FAHD2B: variants seen among roughly 807,000 people sequenced by gnomAD.
FAHD2B encodes oxaloacetate tautomerase FAHD2B, mitochondrial.
A neutral mutation model predicts 33.7 loss-of-function variants in FAHD2B; 26 were observed. The ratio of observed to expected loss-of-function variants is 0.77; its 90% confidence interval spans 0.57 to 1.07. The LOEUF (loss-of-function observed/expected upper bound fraction) is 1.07. Among genes scored for constraint, FAHD2B ranks in the 50% least tolerant of loss-of-function variants. The pLI, the probability that FAHD2B is intolerant of heterozygous loss-of-function variation, is 0.00. For synonymous variants in FAHD2B, 108 were observed against 150.9 expected (o/e 0.72, Z 2.08); for missense variants, 272 against 388.1 (o/e 0.70, Z 2.51).
At chr2:97,081,697 G>C (rs2443823), downstream of FAHD2B, among the ~76,000 whole-genome samples, 1 of 148,668 alleles carries the variant, frequency 6.7e-6, no homozygotes, top group Non-Finnish European at 1.5e-5. Context: ...CTTGGGATAT[G>C]GCCACCTATG....
chr2:97,086,751 C>T, intron 4 of FAHD2B: 1 of 154,476 alleles, frequency 6.5e-6, no homozygotes, highest in Non-Finnish European at 1.4e-5. Flanking sequence ...GTGGCTCTTT[C>T]TAATAATAAC....
At chr2:97,079,640 TTC>T (rs369518904), downstream of FAHD2B, among the ~76,000 whole-genome samples, 7 of 151,690 alleles carry the variant, frequency 4.6e-5, no homozygotes, top group African/African-American at 1.2e-4. Flanking sequence ...TTGTTTAAAT[TTC>T]TTTTTTATTT....
intron 8 of FAHD2B, 42 bp downstream of exon 8, chr2:97,083,906 G>A (rs1304173593): frequency 1.2e-6 from 2 of 1,613,978 alleles, no homozygotes; most frequent in Non-Finnish European, 1.7e-6. Flanking sequence ...AAGCCTGCCA[G>A]GCCTTTGGGG....
chr2:97,081,133 G>A (rs2031629543), downstream of FAHD2B: 12 of 1,489,992 alleles, frequency 8.1e-6, no homozygotes, highest in Non-Finnish European at 6.3e-6. Flanking sequence ...GGCAGGCAGA[G>A]TGCCGCCCCA....
At chr2:97,082,549 A>G, downstream of FAHD2B, 1 of 1,594,704 alleles carries the variant, frequency 6.3e-7, no homozygotes. Context: ...GTGACAACCC[A>G]AGTCTAGGAA....
At position 97,085,819 on chromosome 2, in the gene FAHD2B, G is replaced by A. The variant is rs1300257156; in HGVS notation, c.565C>T (p.His189Tyr). 7.4e-6 allele frequency: 12 copies of A among 1,613,856 alleles called. No homozygotes were observed. The highest frequency in any genetic ancestry group is 1.0e-5 in the Non-Finnish European group (12 of 1,179,860). Residue 189 changes from histidine to tyrosine, a missense_variant, in exon 6 of 9, where the codon CAT becomes TAT. His to Tyr is a moderately conservative substitution (Grantham distance 83, BLOSUM62 2). Transcript: ENST00000414820. ...AGCCAGTCACGAGCACTCACGTCAT[G>A]AGCCACAGTGAAGCCGGCCACGTGG... ...MAHVAGFTVA[H>Y]DVSARDWLTR...
chr2:97,082,510 T>G, downstream of FAHD2B: 2 of 1,607,894 alleles, frequency 1.2e-6, no homozygotes, highest in Non-Finnish European at 1.7e-6. Context: ...CAGTGGTGTT[T>G]GCTGGTGGCT....
intron 6 of FAHD2B, among the ~76,000 whole-genome samples, chr2:97,084,657 T>C (rs989844514): frequency 6.6e-6 from 1 of 152,078 alleles, no homozygotes; most frequent in African/African-American, 2.4e-5. Context: ...CCTGTAATCA[T>C]AGCACTTTGG....
downstream of FAHD2B, chr2:97,082,573 G>A: frequency 6.3e-7 from 1 of 1,580,634 alleles, no homozygotes; most frequent in South Asian, 1.1e-5. Context: ...GGGCTGCAGA[G>A]TACAGACAGT....
chr2:97,083,929 T>C lies in FAHD2B; in HGVS notation c.882+19A>G. 1.2e-6 allele frequency: 2 copies of C among 1,613,910 alleles called. No individual in the cohort carries two copies. Among genetic ancestry groups the C allele is most frequent in the Non-Finnish European group, 1.7e-6 (2 of 1,179,978 alleles). On this transcript the variant is annotated intron_variant, in intron 8 of 8. Coordinates refer to ENST00000414820, the MANE Select transcript of FAHD2B (RefSeq NM_001320848.2). The stretch of plus-strand genomic sequence containing the variant: ...CAGGCCTTTGGGGCCCTTGCTCTCT[T>C]TGCTTTTCGCTAACCTACCTTGAGA...
At chr2:97,087,978 A>C (rs1435452120) in intron 4 of FAHD2B, among the ~76,000 whole-genome samples, 1 of 151,450 alleles carries the variant, frequency 6.6e-6, no homozygotes, top group Non-Finnish European at 1.5e-5. Context: ...AGATCTCTTG[A>C]TAAAAATGCT....
intron 6 of FAHD2B, 38 bp from the exon 7 acceptor site, chr2:97,084,315 T>C: frequency 1.2e-5 from 19 of 1,609,956 alleles, no homozygotes; most frequent in East Asian, 2.2e-5. Flanking sequence ...TTATCCCTTT[T>C]CCCCCTCAAA....
At chr2:97,083,433 A>C (rs2031734008), downstream of FAHD2B, 1 of 1,399,104 alleles carries the variant, frequency 7.1e-7, no homozygotes, top group African/African-American at 1.5e-5. Context: ...GTGATAAACA[A>C]GGGGACGAGA....
chr2:97,093,818 A>G (rs1559142067), intron 1 of FAHD2B, among the ~76,000 whole-genome samples: 1 of 152,028 alleles, frequency 6.6e-6, no homozygotes, highest in Non-Finnish European at 1.5e-5. Flanking sequence ...TGTTAGTCCC[A>G]TTTTACAGAT....
downstream of FAHD2B, chr2:97,082,298 G>A: frequency 6.3e-7 from 1 of 1,585,294 alleles, no homozygotes; most frequent in Non-Finnish European, 8.6e-7. Flanking sequence ...CCTCCGCCAG[G>A]GCCAGCTGCC....
chr2:97,080,632 A>G (rs1455077332), downstream of FAHD2B, among the ~76,000 whole-genome samples: 1 of 152,012 alleles, frequency 6.6e-6, no homozygotes, highest in Non-Finnish European at 1.5e-5. Context: ...AAGAACTTCC[A>G]TGGTAGTTTA....
At chr2:97,081,186 T>C (rs2031631846), downstream of FAHD2B, 1 of 1,489,494 alleles carries the variant, frequency 6.7e-7, no homozygotes, top group Non-Finnish European at 9.0e-7. Flanking sequence ...TGAGCCAGAA[T>C]GAGCTGTACC....
chr2:97,083,464 C>G, downstream of FAHD2B: 1 of 1,200,730 alleles, frequency 8.3e-7, no homozygotes, highest in Non-Finnish European at 1.1e-6. Context: ...TTTCCCCAGC[C>G]CAGCAGCATC....
At chr2:97,082,132 C>A, downstream of FAHD2B, 2 of 1,568,876 alleles carry the variant, frequency 1.3e-6, no homozygotes, top group South Asian at 1.2e-5. Flanking sequence ...CAAAAAGCTG[C>A]CCCTGGAGGG....
Sources: gnomAD v4.1 joint callset for allele counts (sites outside exome capture counted in the v4.1 genomes callset) on GRCh38, gnomAD v4.1.1 for gene constraint, MANE v1.5 for transcripts, NCBI Gene and HGNC (gene_info 2026-07-23, HGNC 2026-07-21) for gene names.